Variants in HS1BP3 observed in about 807,000 individuals in gnomAD.
HS1BP3 encodes HCLS1-binding protein 3.
HS1BP3 carries 32 observed loss-of-function variants against 33.5 expected under a neutral mutation model. The observed-to-expected ratio is 0.95, with a 90% confidence interval of 0.72 to 1.28. HS1BP3 has a LOEUF of 1.28. HS1BP3 is among the 50% of genes most tolerant of loss of function. The probability of loss-of-function intolerance (pLI) is 0.00; values close to 1 mark genes in which losing one functional copy is unlikely to be tolerated. For synonymous variants in HS1BP3, 187 were observed against 209.2 expected (o/e 0.89, Z 0.92); for missense variants, 486 against 502.3 (o/e 0.97, Z 0.31).
At chr2:20,568,861 G>A (rs985215100) in intron 5 of HS1BP3, among the ~76,000 whole-genome samples, 9 of 152,186 alleles carry the variant, frequency 5.9e-5, no homozygotes, top group African/African-American at 2.2e-4. Context: ...GCTCAGTTGG[G>A]ACCTCCCAAG....
At chr2:20,574,680 G>C (rs1317692830) in intron 5 of HS1BP3, among the ~76,000 whole-genome samples, 3 of 152,248 alleles carry the variant, frequency 2.0e-5, no homozygotes, top group African/African-American at 7.2e-5. Flanking sequence ...GCCCCACTCA[G>C]TGGGCACCTG....
At chr2:20,628,154 C>T (rs975311450) in intron 4 of HS1BP3, among the ~76,000 whole-genome samples, 3 of 152,192 alleles carry the variant, frequency 2.0e-5, no homozygotes, top group Non-Finnish European at 4.4e-5. Context: ...CAACTCATTC[C>T]TTCCCTCGTG....
intron 5 of HS1BP3, among the ~76,000 whole-genome samples, chr2:20,581,503 C>G (rs1693531946): frequency 6.6e-6 from 1 of 152,142 alleles, no homozygotes; most frequent in Non-Finnish European, 1.5e-5. Flanking sequence ...GCGTGCACCA[C>G]CATGCCTGGC....
chr2:20,626,888 C>T (rs959302434), intron 4 of HS1BP3, among the ~76,000 whole-genome samples: 3 of 152,204 alleles, frequency 2.0e-5, no homozygotes, highest in Non-Finnish European at 4.4e-5. Flanking sequence ...CCCCTTTATT[C>T]TTACCAATCA....
chr2:20,645,305 C>A, intron 2 of HS1BP3, 35 bp downstream of exon 2: 2 of 1,598,540 alleles, frequency 1.3e-6, no homozygotes, highest in South Asian at 2.2e-5. Context: ...ACCCCGGGCA[C>A]CCTCGAAACA....
intron 5 of HS1BP3, among the ~76,000 whole-genome samples, chr2:20,580,659 A>G (rs1227999507): frequency 6.6e-6 from 1 of 152,224 alleles, no homozygotes; most frequent in Non-Finnish European, 1.5e-5. Context: ...GATGTTGTCA[A>G]CCTCGCTAGT....
In HS1BP3 at chr2:20,643,556, G is replaced by A. The variant is rs184918719; in HGVS notation, c.198+1784C>T. Among the ~76,000 whole-genome samples, 41 of 152,212 alleles carry A rather than the reference G, an allele frequency of 2.7e-4. 1 individual carries two copies. Among genetic ancestry groups the A allele is most frequent in the African/African-American group, 9.4e-4 (39 of 41,516 alleles). ...CACACGTTGCTTCTCACCAAGAGTC[G>A]GCCACAGGAGCAATCAAATGAAAAA... is the stretch of plus-strand genomic sequence containing the variant. On this transcript the variant is annotated intron_variant, in intron 2 of 6. Coordinates refer to ENST00000304031, the MANE Select transcript of HS1BP3 (RefSeq NM_022460.4).
At position 20,623,790 on chromosome 2, in the gene HS1BP3, C is replaced by T. The variant is rs1396750182; in HGVS notation, c.920+106G>A. 5 of 1,308,682 alleles carry T rather than the reference C, an allele frequency of 3.8e-6. No individual in the cohort carries two copies. In the South Asian group the frequency reaches 4.7e-5, roughly 12 times the overall value. The allele number at this position is 1,308,682 out of a possible 1,614,324, so 81.1% of individuals were successfully genotyped here. On this transcript the variant is annotated intron_variant, in intron 6 of 6. Transcript: ENST00000304031. ...TTCTACTTTTCACAGGCCTGGGGTCCTCCCCTCAGAGGAGGCTGGGGCTGA... is the reference window on the plus strand; with the variant it reads ...TTCTACTTTTCACAGGCCTGGGGTCTTCCCCTCAGAGGAGGCTGGGGCTGA...
At chr2:20,644,847 G>A (rs756498136) in intron 2 of HS1BP3, among the ~76,000 whole-genome samples, 14 of 152,176 alleles carry the variant, frequency 9.2e-5, no homozygotes, top group Non-Finnish European at 1.5e-4. Flanking sequence ...CCACAATCTG[G>A]ATCCTGCCTG....
At chr2:20,642,790 C>G (rs1695397765) in intron 2 of HS1BP3, among the ~76,000 whole-genome samples, 1 of 152,242 alleles carries the variant, frequency 6.6e-6, no homozygotes, top group African/African-American at 2.4e-5. Flanking sequence ...GTAAGAGACC[C>G]TGAGCAGAGG....
rs149833668 is a variant in HS1BP3 at position 20,569,312 on chromosome 2, T to A, written c.303-8797A>T. Reference sequence around the variant, plus strand: ...AGACAATAACGTGTCCTCAGGAAGTTACGTATTTTGTTTTTCTGTGCAAGC... The same window carrying A: ...AGACAATAACGTGTCCTCAGGAAGTAACGTATTTTGTTTTTCTGTGCAAGC... On this transcript the variant is annotated intron_variant, in intron 5 of 5. Transcript: ENST00000446825. Among the ~76,000 whole-genome samples, 190 of 152,290 alleles carry A rather than the reference T, an allele frequency of 1.2e-3. 1 individual carries two copies. The East Asian group carries it at 0.036, about 29-fold the overall frequency.
intron 4 of HS1BP3, 113 bp from the exon 5 acceptor site, chr2:20,625,005 C>T: frequency 8.0e-7 from 1 of 1,243,098 alleles, no homozygotes; most frequent in South Asian, 1.2e-5. Context: ...ATGCCATGGG[C>T]CAGAAAAGAC....
chr2:20,647,967 G>C (rs941515457), intron 1 of HS1BP3, among the ~76,000 whole-genome samples: 2 of 152,144 alleles, frequency 1.3e-5, no homozygotes, highest in South Asian at 4.1e-4. Context: ...CCTAGGCTTC[G>C]CTGTCACATC....
In HS1BP3 at chr2:20,638,502, A is replaced by G. The variant is rs1350259679; in HGVS notation, c.557T>C (p.Leu186Pro). The G allele has an allele frequency of 1.2e-6, 2 of 1,614,232 alleles. No individual in the cohort carries two copies. The highest frequency in any genetic ancestry group is 2.2e-5 in the East Asian group (1 of 44,876). The change falls in exon 4 of 7, where the codon CTG becomes CCG. Residue 186 changes from leucine to proline, a missense_variant. Transcript: ENST00000304031. ...GGATTCCTCAGCATCCTCGCCCTTCAGGCTCTGGACGGGCGGACCCTCTTC... is the reference window on the plus strand; with the variant it reads ...GGATTCCTCAGCATCCTCGCCCTTCGGGCTCTGGACGGGCGGACCCTCTTC... ...VAEEGPPVQS[L>P]KGEDAEESLE... is the part of the protein sequence containing the mutation.
chr2:20,617,329 G>A (rs73235063), downstream of HS1BP3, among the ~76,000 whole-genome samples: 2,107 of 152,312 alleles, frequency 0.014, 40 homozygotes, highest in African/African-American at 0.047. Flanking sequence ...GAAGGCAAAT[G>A]GGTGGAGCCG....
chr2:20,626,577 T>A (rs150390146), intron 4 of HS1BP3, among the ~76,000 whole-genome samples: 2 of 152,346 alleles, frequency 1.3e-5, no homozygotes, highest in Non-Finnish European at 2.9e-5. Context: ...GGATTGATCC[T>A]GCTGTTCTCT....
At chr2:20,597,328 T>C (rs13013281) in intron 3 of HS1BP3, among the ~76,000 whole-genome samples, 103,005 of 152,134 alleles carry the variant, frequency 0.68, 37,908 homozygotes, top group East Asian at 0.82. Flanking sequence ...ATAGCTCTGA[T>C]TTTGTCTAAA....
chr2:20,565,653 C>T (rs564556303), intron 5 of HS1BP3, among the ~76,000 whole-genome samples: 5 of 152,354 alleles, frequency 3.3e-5, no homozygotes, highest in East Asian at 1.9e-4. Context: ...AACTAGGGTA[C>T]GTCTAATAAC....
chr2:20,610,239 C>T (rs566789682), intron 2 of HS1BP3, among the ~76,000 whole-genome samples: 162 of 152,280 alleles, frequency 1.1e-3, no homozygotes, highest in African/African-American at 3.8e-3. Flanking sequence ...AGAGCCATAG[C>T]ATACATTAGG....
Sources: gnomAD v4.1 joint callset for allele counts (sites outside exome capture counted in the v4.1 genomes callset) on GRCh38, gnomAD v4.1.1 for gene constraint, MANE v1.5 for transcripts, NCBI Gene and HGNC (gene_info 2026-07-23, HGNC 2026-07-21) for gene names.